The following SRP54 variants were observed in gnomAD, a reference collection of about 807,000 sequenced individuals.
SRP54 encodes the protein signal recognition particle 54.
In SRP54, 10 loss-of-function variants were observed where a neutral mutation model predicts 64.8. The ratio of observed to expected loss-of-function variants is 0.15; its 90% CI spans 0.10 to 0.26. SRP54 has a LOEUF of 0.26. Ranked by LOEUF, SRP54 falls within the 10% of genes least tolerant of loss-of-function variation. SRP54 has a pLI of 1.00. For synonymous variants in SRP54, 193 were observed against 185.6 expected (o/e 1.04, Z -0.32); for missense variants, 325 against 613.7 (o/e 0.53, Z 4.97).
intron 8 of SRP54, among the ~76,000 whole-genome samples, chr14:35,012,219 A>C (rs1026941476): frequency 1.0e-4 from 2 of 19,178 alleles, no homozygotes; most frequent in African/African-American, 2.1e-4. Flanking sequence ...TCCATCTCCA[A>C]AAAAAAAAAA....
chr14:35,016,062 C>T (rs932099075), intron 11 of SRP54, among the ~76,000 whole-genome samples: 6 of 152,212 alleles, frequency 3.9e-5, no homozygotes, highest in Admixed American at 2.0e-4. Context: ...CTTTCTCCAT[C>T]AGTTAACTAG....
At position 35,018,776 on chromosome 14, in the gene SRP54, C is replaced by G; in HGVS notation, c.1047+11C>G. On this transcript the variant is annotated intron_variant, in intron 12 of 15. Coordinates refer to ENST00000216774, the MANE Select transcript of SRP54 (RefSeq NM_003136.4). ...TTCAGTCAGATCTTGGTTAGTTATC[C>G]TTAAAACTTTATACCTTCTTTTGTT... 1.2e-6 allele frequency: 2 copies of G among 1,606,132 alleles called. No individual in the cohort carries two copies. Among genetic ancestry groups the G allele is most frequent in the Non-Finnish European group, 1.7e-6 (2 of 1,176,464 alleles).
chr14:34,996,776 A>G lies in SRP54; in HGVS notation c.67A>G (p.Ile23Val). 6.2e-7 allele frequency: 1 copy of G among 1,609,068 alleles called. No individual in the cohort carries two copies. Among genetic ancestry groups the G allele is most frequent in the Non-Finnish European group, 8.5e-7 (1 of 1,175,478 alleles). The change falls in exon 2 of 16, where the codon ATC becomes GTC. Residue 23 changes from isoleucine to valine, a missense_variant. By Grantham distance (29) the Ile-to-Val change is conservative (BLOSUM62 3). This residue lies in a region of SRP54 where 156 missense variants were observed against 254.6 expected (regional missense o/e 0.61). Transcript: ENST00000216774. ...ACGCTCGTTGAGCAATGCCACCATT[A>G]TCAATGAAGAGGTATGTAAAATATT... Reference protein sequence around the residue: ...ALRSLSNATIINEEVLNAMLK... With the variant: ...ALRSLSNATIVNEEVLNAMLK...
intron 3 of SRP54, 59 bp from the exon 4 acceptor site, chr14:35,000,876 CT>C: frequency 1.1e-6 from 1 of 876,062 alleles, no homozygotes; most frequent in South Asian, 2.1e-5. Context: ...GCTTCTTTTT[CT>C]TAGAGTTTCT....
At chr14:35,010,437 A>G (rs1027968002) in intron 7 of SRP54, among the ~76,000 whole-genome samples, 4 of 151,678 alleles carry the variant, frequency 2.6e-5, no homozygotes, top group African/African-American at 9.7e-5. Flanking sequence ...CAAGAGCAAA[A>G]CTGTGCCTCA....
At chr14:34,990,234 G>A (rs901099518) in intron 1 of SRP54, among the ~76,000 whole-genome samples, 2 of 152,104 alleles carry the variant, frequency 1.3e-5, no homozygotes, top group Admixed American at 1.3e-4. Context: ...CTTTCTGAAC[G>A]TTGCAATTAC....
chr14:34,994,820 C>G (rs2044040206), intron 1 of SRP54, among the ~76,000 whole-genome samples: 1 of 151,902 alleles, frequency 6.6e-6, no homozygotes, highest in South Asian at 2.1e-4. Context: ...CACTCTGTCA[C>G]CCAGGCTGGA....
chr14:35,022,060 G>A (rs1438984097), intron 13 of SRP54, among the ~76,000 whole-genome samples: 3 of 152,060 alleles, frequency 2.0e-5, no homozygotes, highest in Non-Finnish European at 2.9e-5. Context: ...TAATTTTTCT[G>A]TTGATTATGG....
intron 1 of SRP54, among the ~76,000 whole-genome samples, chr14:34,984,770 G>A (rs1186766374): frequency 6.6e-6 from 1 of 152,126 alleles, no homozygotes; most frequent in African/African-American, 2.4e-5. Context: ...CCAAAGTGCT[G>A]GGATTACAGG....
chr14:35,013,600 C>A, intron 9 of SRP54, 106 bp downstream of exon 9: 1 of 1,313,982 alleles, frequency 7.6e-7, no homozygotes, highest in Non-Finnish European at 1.1e-6. Context: ...AATAGTGAGC[C>A]TAATATGGTT....
At chr14:35,026,171 GTTGTTTTTT>G (rs2044618652) in intron 14 of SRP54, among the ~76,000 whole-genome samples, 1 of 66,516 alleles carries the variant, frequency 1.5e-5, no homozygotes, top group Non-Finnish European at 3.4e-5. Context: ...CTATTCTGTT[GTTGTTTTTT>G]TATTTATTGT....
At chr14:35,015,157 A>G (rs545330677) in intron 11 of SRP54, among the ~76,000 whole-genome samples, 182 of 152,180 alleles carry the variant, frequency 1.2e-3, no homozygotes, top group African/African-American at 4.3e-3. Flanking sequence ...GCTCACCGCA[A>G]ACTCCACCTC....
At chr14:35,009,146 C>T (rs2044315016) in intron 7 of SRP54, among the ~76,000 whole-genome samples, 1 of 151,932 alleles carries the variant, frequency 6.6e-6, no homozygotes. Context: ...CCTCAGCCTC[C>T]CAAAGTGCTG....
At chr14:34,990,119 G>A (rs2043958091) in intron 1 of SRP54, among the ~76,000 whole-genome samples, 1 of 152,102 alleles carries the variant, frequency 6.6e-6, no homozygotes, top group Non-Finnish European at 1.5e-5. Flanking sequence ...TGTTTCTATT[G>A]CTTACTATCC....
At chr14:34,989,027 G>A (rs1454747459) in intron 1 of SRP54, among the ~76,000 whole-genome samples, 1 of 152,098 alleles carries the variant, frequency 6.6e-6, no homozygotes, top group Non-Finnish European at 1.5e-5. Flanking sequence ...AGAAAAGTCT[G>A]TACATGTTCA....
intron 1 of SRP54, among the ~76,000 whole-genome samples, chr14:34,986,986 A>G (rs1217392714): frequency 6.6e-6 from 1 of 151,760 alleles, no homozygotes; most frequent in South Asian, 2.1e-4. Context: ...CTGTCCCAAC[A>G]CTTTGGGAGG....
intron 5 of SRP54, among the ~76,000 whole-genome samples, chr14:35,008,031 G>A (rs1269851895): frequency 2.0e-5 from 3 of 151,984 alleles, no homozygotes; most frequent in African/African-American, 7.2e-5. Flanking sequence ...AGAGAACATG[G>A]AGTTTACTTT....
At chr14:34,994,494 ATC>A (rs983306739) in intron 1 of SRP54, among the ~76,000 whole-genome samples, 3 of 151,998 alleles carry the variant, frequency 2.0e-5, no homozygotes, top group South Asian at 2.1e-4. Flanking sequence ...GCCCTTTGAA[ATC>A]TCTGTTTCCT....
In SRP54 at chr14:35,011,493, T is replaced by C; in HGVS notation, c.486-16T>C. 1 of 1,407,970 alleles carries C rather than the reference T, an allele frequency of 7.1e-7. No individual in the cohort carries two copies. The highest frequency in any genetic ancestry group is 9.4e-7 in the Non-Finnish European group (1 of 1,066,222). The allele number at this position is 1,407,970 out of a possible 1,614,324, so 87.2% of individuals were successfully genotyped here. On this transcript the variant is annotated splice_polypyrimidine_tract_variant and intron_variant, in intron 7 of 15. Coordinates refer to ENST00000216774, the MANE Select transcript of SRP54 (RefSeq NM_003136.4). ...AGTTTTGTCGTTTTGTTAAATCATT[T>C]GTCCATGTTATATAGCTATACAGAA...
Sources: allele counts gnomAD v4.1 joint callset (sites outside exome capture counted in the v4.1 genomes callset), GRCh38; gene constraint gnomAD v4.1.1; regional missense constraint gnomAD v4.1.1; transcripts MANE v1.5; gene names NCBI Gene and HGNC (gene_info 2026-07-23, HGNC 2026-07-21).